Variants in ZNF534 observed in about 807,000 individuals in gnomAD.
The protein encoded by ZNF534 is KRAB domain only 3.
In ZNF534, 19 loss-of-function variants were observed where a neutral mutation model predicts 13.6. That is an observed-to-expected ratio of 1.40 (90% CI 0.97 to 2.05). The LOEUF (loss-of-function observed/expected upper bound fraction) is 2.05, where lower values mean the gene tolerates loss of function less well. Ranked by LOEUF, ZNF534 falls within the 30% of genes most tolerant of loss-of-function variation. The pLI, the probability that ZNF534 is intolerant of heterozygous loss-of-function variation, is 0.00. For synonymous variants in ZNF534, 244 were observed against 273.8 expected (o/e 0.89, Z 1.07); for missense variants, 782 against 796.3 (o/e 0.98, Z 0.22).
intron 4 of ZNF534, among the ~76,000 whole-genome samples, chr19:52,449,103 T>C (rs1395304984): frequency 6.6e-6 from 1 of 152,200 alleles, no homozygotes; most frequent in African/African-American, 2.4e-5. Context: ...TATGAGATAA[T>C]TGTCTTTTCT....
At chr19:52,432,777 T>C (rs73588021) in intron 2 of ZNF534, among the ~76,000 whole-genome samples, 21,076 of 151,562 alleles carry the variant, frequency 0.14, 1,804 homozygotes, top group African/African-American at 0.25. Flanking sequence ...GGATTACAGG[T>C]GCACACCTCC....
intron 3 of ZNF534, 88 bp downstream of exon 3, chr19:52,434,169 T>C: frequency 6.5e-7 from 1 of 1,539,186 alleles, no homozygotes; most frequent in South Asian, 1.3e-5. Context: ...AGCCCCTGCA[T>C]TGCTTGACTG....
At position 52,441,930 on chromosome 19, in the gene ZNF534, A is replaced by G. The variant is rs1388029560; in HGVS notation, c.*2484A>G. Among the ~76,000 whole-genome samples, 1 of 152,230 alleles carries G rather than the reference A, an allele frequency of 6.6e-6. No individual in the cohort carries two copies. Among genetic ancestry groups the G allele is most frequent in the African/African-American group, 2.4e-5 (1 of 41,472 alleles). On this transcript the variant is annotated 3_prime_UTR_variant, in exon 5 of 5. Coordinates refer to ENST00000433050, the MANE Select transcript of ZNF534 (RefSeq NM_001143938.3). ...GAGTCCTTACAAGCTGTGTACGGAA[A>G]GCTCGTCATGAGTTTTAGCATTAAT...
chr19:52,448,673 G>A (rs1404955179), intron 4 of ZNF534, among the ~76,000 whole-genome samples: 2 of 152,160 alleles, frequency 1.3e-5, no homozygotes, highest in Non-Finnish European at 2.9e-5. Flanking sequence ...CACAACGTGA[G>A]CTCTAGTCTC....
chr19:52,433,880 C>T (rs779114954), intron 2 of ZNF534, 75 bp from the exon 3 acceptor site: 9 of 1,576,448 alleles, frequency 5.7e-6, no homozygotes, highest in Non-Finnish European at 7.8e-6. Context: ...TGAGTCCTTA[C>T]AACTGTCTTC....
downstream of ZNF534, among the ~76,000 whole-genome samples, chr19:52,444,708 G>A (rs540286414): frequency 5.3e-5 from 8 of 152,090 alleles, no homozygotes; most frequent in Non-Finnish European, 1.0e-4. Context: ...TGGTTCCCAG[G>A]TCAATGGAGT....
chr19:52,431,281 G>A (rs2059085354), intron 1 of ZNF534, 127 bp from the exon 2 acceptor site: 1 of 689,998 alleles, frequency 1.4e-6, no homozygotes, highest in Non-Finnish European at 2.4e-6. Flanking sequence ...TTTTCCTGTG[G>A]GAGATCAACA....
At chr19:52,432,892 A>C (rs574529236) in intron 2 of ZNF534, among the ~76,000 whole-genome samples, 2 of 152,068 alleles carry the variant, frequency 1.3e-5, no homozygotes, top group South Asian at 4.2e-4. Flanking sequence ...GGCCTCCCAA[A>C]GTGCTGGGAT....
chr19:52,437,524 G>A (rs961729172), intron 4 of ZNF534, among the ~76,000 whole-genome samples: 4 of 152,086 alleles, frequency 2.6e-5, no homozygotes, highest in Non-Finnish European at 5.9e-5. Context: ...AGGGAGAATT[G>A]CTTAAACCCA....
Position 52,439,278 on chromosome 19 carries a change from C to T in ZNF534, c.1818C>T (p.Tyr606=). The T allele has an allele frequency of 1.9e-6, 3 of 1,566,008 alleles. No homozygotes were observed. In the South Asian group the frequency reaches 3.5e-5, roughly 18 times the overall value. The change falls in exon 5 of 5, where the codon TAC becomes TAT. Residue 606 remains tyrosine, a synonymous_variant. Coordinates refer to ENST00000433050, the MANE Select transcript of ZNF534 (RefSeq NM_001143938.3). ...HRKIHTGEKL[Y]KCNECSKVFS... is the part of the protein sequence containing the mutation. ...AAATTCATACTGGAGAGAAGCTTTACAAATGTAATGAATGTAGCAAGGTCT... is the reference window on the plus strand; with the variant it reads ...AAATTCATACTGGAGAGAAGCTTTATAAATGTAATGAATGTAGCAAGGTCT...
At chr19:52,449,051 T>C (rs2059203807) in intron 4 of ZNF534, among the ~76,000 whole-genome samples, 1 of 152,180 alleles carries the variant, frequency 6.6e-6, no homozygotes, top group Non-Finnish European at 1.5e-5. Flanking sequence ...ACTCTCTACC[T>C]CCATGAGATT....
At chr19:52,451,125 C>G in intron 4 of ZNF534, 1 of 593,972 alleles carries the variant, frequency 1.7e-6, no homozygotes, top group Non-Finnish European at 3.0e-6. Flanking sequence ...GATGGGTAGC[C>G]TTTACTTTTT....
chr19:52,430,062 C>T (rs2059077259), intron 1 of ZNF534, among the ~76,000 whole-genome samples: 1 of 151,608 alleles, frequency 6.6e-6, no homozygotes, highest in African/African-American at 2.4e-5. Flanking sequence ...GACGCCAAGG[C>T]TGGAGTGCAG....
chr19:52,432,791 C>G lies in ZNF534; in HGVS notation c.16-1164C>G, dbSNP rs566620221. ...GGGATTACAGGTGCACACCTCCATGCCCAGCTCATTTTTTGTATTTAGTAG... is the reference window on the plus strand; with the variant it reads ...GGGATTACAGGTGCACACCTCCATGGCCAGCTCATTTTTTGTATTTAGTAG... On this transcript the variant is annotated intron_variant, in intron 2 of 4. Transcript: ENST00000433050. 9.2e-5 allele frequency among the ~76,000 whole-genome samples: 14 copies of G among 152,138 alleles called. No homozygotes were observed. The East Asian group carries it at 2.5e-3, about 27-fold the overall frequency.
chr19:52,445,386 G>A (rs2561014), downstream of ZNF534, among the ~76,000 whole-genome samples: 139,082 of 151,968 alleles, frequency 0.92, 63,990 homozygotes, highest in Non-Finnish European at 0.96. Context: ...TTGTAGAGAC[G>A]GGGTTTCACC....
chr19:52,445,372 T>G (rs1460939413), downstream of ZNF534, among the ~76,000 whole-genome samples: 1 of 152,104 alleles, frequency 6.6e-6, no homozygotes, highest in Non-Finnish European at 1.5e-5. Context: ...AATTTTTGTA[T>G]TTTTTGTAGA....
Position 52,451,952 on chromosome 19 carries a change from C to G in ZNF534, c.*455C>G, listed in dbSNP as rs1054762778. The stretch of plus-strand genomic sequence containing the variant: ...CTACCGGAAAGAATTAAAATTTATG[C>G]CAAGAACAGAAAACGAGAAGTCATA... On this transcript the variant is annotated 3_prime_UTR_variant, in exon 5 of 5. Transcript: ENST00000301085. 24 of 397,956 alleles carry G rather than the reference C, an allele frequency of 6.0e-5. 1 individual carries two copies. The East Asian group carries it at 1.4e-3, about 24-fold the overall frequency. 24.7% of individuals were successfully genotyped at this position (397,956 alleles called of 1,614,324 possible).
chr19:52,448,965 G>T (rs2059203418), intron 4 of ZNF534, among the ~76,000 whole-genome samples: 1 of 151,640 alleles, frequency 6.6e-6, no homozygotes, highest in African/African-American at 2.4e-5. Flanking sequence ...ATTCCTTCTG[G>T]TTTTTTTTGG....
At chr19:52,451,907 G>A in exon 5 of ZNF534, 1 of 545,312 alleles carries the variant, frequency 1.8e-6, no homozygotes, top group East Asian at 4.2e-5. Context: ...ACACCAAAAG[G>A]GGATCAGGAG....
Sources: allele counts gnomAD v4.1 joint callset (sites outside exome capture counted in the v4.1 genomes callset), GRCh38; gene constraint gnomAD v4.1.1; transcripts MANE v1.5; gene names NCBI Gene and HGNC (gene_info 2026-07-23, HGNC 2026-07-21).